The following TCF7 variants were observed in gnomAD, a reference collection of about 807,000 sequenced individuals.
TCF7 encodes T-cell-factor-7.
Under a neutral mutation model 46.8 loss-of-function variants are expected in TCF7, and 19 were observed. The observed-to-expected ratio is 0.41, with a 90% CI of 0.28 to 0.60. TCF7 has a LOEUF of 0.60. Ranked by LOEUF, TCF7 falls within the 20% of genes least tolerant of loss-of-function variation. The probability of loss-of-function intolerance (pLI) is 0.35; values close to 1 mark genes in which losing one functional copy is unlikely to be tolerated. For synonymous variants in TCF7, 245 were observed against 213.4 expected (o/e 1.15, Z -1.29); for missense variants, 547 against 504.6 (o/e 1.08, Z -0.81).
chr5:134,140,747 G>A (rs932836313), intron 5 of TCF7: 4 of 453,968 alleles, frequency 8.8e-6, no homozygotes, highest in South Asian at 1.6e-5. Flanking sequence ...GTCTTTCCTC[G>A]TGTCTGGCCA....
chr5:134,146,502 C>G lies in TCF7; in HGVS notation c.*199C>G. 1 of 742,440 alleles carries G rather than the reference C, an allele frequency of 1.3e-6. No homozygotes were observed. The highest frequency in any genetic ancestry group is 1.5e-5 in the South Asian group (1 of 68,700). The allele number at this position is 742,440 out of a possible 1,614,324, so 46.0% of individuals were successfully genotyped here. A position where few individuals can be genotyped will look rare whatever the true frequency, so the allele number is the denominator to read the frequency against. On this transcript the variant is annotated 3_prime_UTR_variant, in exon 10 of 10. Coordinates refer to ENST00000342854, the MANE Select transcript of TCF7 (RefSeq NM_003202.5). The stretch of plus-strand genomic sequence containing the variant: ...AGCACACAGGTACAGCAACAGGAAT[C>G]TCAGAGACAGGTGGCCTAGCAGGCA...
Position 134,146,422 on chromosome 5 carries a change from T to A in TCF7, c.*119T>A. 1 of 1,263,852 alleles carries A rather than the reference T, an allele frequency of 7.9e-7. No homozygotes were observed. The highest frequency in any genetic ancestry group is 1.2e-6 in the Non-Finnish European group (1 of 862,990). The allele number at this position is 1,263,852 out of a possible 1,614,324, so 78.3% of individuals were successfully genotyped here. A position where few individuals can be genotyped will look rare whatever the true frequency, so the allele number is the denominator to read the frequency against. On this transcript the variant is annotated 3_prime_UTR_variant, in exon 10 of 10. Transcript: ENST00000342854. ...CACCTACATCCCCAGGTCTCTCCAC[T>A]GCTCTCAGCCTCCCAACCCCAGGGC... is the stretch of plus-strand genomic sequence containing the variant.
chr5:134,136,564 C>T (rs1758889127), intron 3 of TCF7, among the ~76,000 whole-genome samples: 1 of 152,074 alleles, frequency 6.6e-6, no homozygotes, highest in African/African-American at 2.4e-5. Flanking sequence ...GGTGTGGGAG[C>T]CTGTGCCCAG....
intron 3 of TCF7, among the ~76,000 whole-genome samples, chr5:134,129,728 G>A (rs549497948): frequency 3.9e-4 from 59 of 152,372 alleles, no homozygotes; most frequent in South Asian, 2.3e-3. Flanking sequence ...GCCTCGGGCC[G>A]GGTTGGGCCT....
intron 5 of TCF7, chr5:134,141,104 C>G: frequency 3.4e-6 from 1 of 290,458 alleles, no homozygotes; most frequent in South Asian, 2.7e-5. Context: ...AGCAGAGCAC[C>G]ACAGAGGCCA....
upstream of TCF7, among the ~76,000 whole-genome samples, chr5:134,110,642 C>T (rs1468677128): frequency 1.3e-5 from 2 of 152,260 alleles, no homozygotes; most frequent in African/African-American, 2.4e-5. Context: ...GCCAGCAGCC[C>T]AGCCTCCCGG....
chr5:134,133,887 T>C (rs565746801), intron 3 of TCF7, among the ~76,000 whole-genome samples: 1 of 152,310 alleles, frequency 6.6e-6, no homozygotes, highest in Admixed American at 6.5e-5. Flanking sequence ...GCCCATCACA[T>C]GCATATGTAC....
At chr5:134,136,468 C>T (rs977494882) in intron 3 of TCF7, among the ~76,000 whole-genome samples, 3 of 152,016 alleles carry the variant, frequency 2.0e-5, no homozygotes, top group African/African-American at 4.8e-5. Context: ...TCAGCACCTT[C>T]CCCAAGACCT....
chr5:134,141,184 T>C (rs1580886766), intron 5 of TCF7: 1 of 164,302 alleles, frequency 6.1e-6, no homozygotes, highest in Non-Finnish European at 1.3e-5. Context: ...TCTTCATCCC[T>C]ACTTAGAAGG....
At chr5:134,116,508 C>T (rs10043685) in intron 3 of TCF7, among the ~76,000 whole-genome samples, 2,954 of 152,318 alleles carry the variant, frequency 0.019, 103 homozygotes, top group African/African-American at 0.067. Context: ...GTGCTGTGTT[C>T]GGTCGGCTGT....
intron 3 of TCF7, among the ~76,000 whole-genome samples, chr5:134,136,222 G>C (rs539482661): frequency 6.6e-6 from 1 of 152,174 alleles, no homozygotes; most frequent in Non-Finnish European, 1.5e-5. Flanking sequence ...GAATGAGACA[G>C]GGTTTACAAA....
intron 3 of TCF7, among the ~76,000 whole-genome samples, chr5:134,121,975 G>A (rs1387396234): frequency 6.6e-6 from 1 of 152,164 alleles, no homozygotes; most frequent in East Asian, 1.9e-4. Context: ...GCTCTGCATT[G>A]AATAGGTTTG....
Position 134,142,103 on chromosome 5 carries a change from G to A in TCF7, c.636-82G>A, listed in dbSNP as rs750653176. Reference sequence around the variant, plus strand: ...CTGTTCACCTGTGTCCTCAAGTTATGTATTATGCAGGGGCCTCTGTGTGTG... The same window carrying A: ...CTGTTCACCTGTGTCCTCAAGTTATATATTATGCAGGGGCCTCTGTGTGTG... On this transcript the variant is annotated intron_variant, in intron 5 of 9. Transcript: ENST00000342854. 5.0e-6 allele frequency: 8 copies of A among 1,586,556 alleles called. No homozygotes were observed. The South Asian group carries it at 6.7e-5, about 13-fold the overall frequency.
intron 3 of TCF7, among the ~76,000 whole-genome samples, chr5:134,130,048 G>C (rs1757901168): frequency 6.6e-6 from 1 of 152,258 alleles, no homozygotes; most frequent in Non-Finnish European, 1.5e-5. Context: ...TGTGGGCAGG[G>C]AGCTTGCGGG....
intron 3 of TCF7, chr5:134,123,545 A>C (rs1756898675): frequency 7.7e-6 from 3 of 391,970 alleles, no homozygotes; most frequent in East Asian, 7.2e-5. Flanking sequence ...GGGGGAGAAC[A>C]CTCTGGGTGG....
At chr5:134,116,518 T>G (rs1755863082) in intron 3 of TCF7, among the ~76,000 whole-genome samples, 4 of 152,260 alleles carry the variant, frequency 2.6e-5, no homozygotes, top group Non-Finnish European at 5.9e-5. Flanking sequence ...CGGTCGGCTG[T>G]GTCCTGACGG....
intron 9 of TCF7, chr5:134,144,937 C>G (rs1472794266): frequency 7.1e-7 from 1 of 1,413,486 alleles, no homozygotes; most frequent in Non-Finnish European, 1.0e-6. Flanking sequence ...ACATGTTCCA[C>G]TGGGCCTGCA....
intron 3 of TCF7, among the ~76,000 whole-genome samples, chr5:134,117,747 T>C (rs973211854): frequency 3.9e-5 from 6 of 152,226 alleles, no homozygotes; most frequent in African/African-American, 1.4e-4. Flanking sequence ...ATTTTTCACC[T>C]TTCAGTCTTT....
At chr5:134,146,127 A>G in intron 9 of TCF7, 97 bp from the exon 10 acceptor site, 1 of 1,609,938 alleles carries the variant, frequency 6.2e-7, no homozygotes, top group Non-Finnish European at 8.5e-7. Context: ...GAGGACAAGG[A>G]ATCAGCCAGG....
Sources: gnomAD v4.1 joint callset for allele counts (sites outside exome capture counted in the v4.1 genomes callset) on GRCh38, gnomAD v4.1.1 for gene constraint, MANE v1.5 for transcripts, NCBI Gene and HGNC (gene_info 2026-07-23, HGNC 2026-07-21) for gene names.